FHIT: variants seen among roughly 807,000 people sequenced by gnomAD.
The protein encoded by FHIT is fragile histidine triad diadenosine triphosphatase, also known as bis(5'-adenosyl)-triphosphatase.
In FHIT, 19 loss-of-function variants were observed where a neutral mutation model predicts 17.9. The ratio of observed to expected loss-of-function variants is 1.06; its 90% confidence interval spans 0.74 to 1.56. FHIT has a LOEUF of 1.56. FHIT is among the 40% of genes most tolerant of loss of function. FHIT has a pLI of 0.00. For missense variants in FHIT, 248 were observed against 189.2 expected (o/e 1.31, Z -1.82); for synonymous variants, 81 against 69.7 (o/e 1.16, Z -0.81).
intron 5 of FHIT, among the ~76,000 whole-genome samples, chr3:60,512,493 T>C (rs1324786298): frequency 6.6e-6 from 1 of 152,222 alleles, no homozygotes; most frequent in Non-Finnish European, 1.5e-5. Flanking sequence ...AGTTCTCCTT[T>C]ACAATAAATT....
At chr3:60,891,157 T>C (rs1705499511) in intron 3 of FHIT, among the ~76,000 whole-genome samples, 2 of 152,220 alleles carry the variant, frequency 1.3e-5, no homozygotes, top group Admixed American at 6.5e-5. Context: ...ACTGGCTGCA[T>C]TTCCTGGCTT....
intron 8 of FHIT, among the ~76,000 whole-genome samples, chr3:59,786,100 G>A (rs1229756831): frequency 6.6e-6 from 1 of 152,176 alleles, no homozygotes; most frequent in East Asian, 1.9e-4. Context: ...TGGGGGTAAG[G>A]AGGGAAACTT....
chr3:59,966,832 C>T (rs1707949140), intron 7 of FHIT, among the ~76,000 whole-genome samples: 1 of 152,046 alleles, frequency 6.6e-6, no homozygotes, highest in East Asian at 1.9e-4. Flanking sequence ...ACACTGTATA[C>T]TTAGGCTATA....
chr3:59,947,002 G>T (rs1706841986), intron 7 of FHIT, among the ~76,000 whole-genome samples: 1 of 152,088 alleles, frequency 6.6e-6, no homozygotes, highest in Admixed American at 6.6e-5. Flanking sequence ...GCCAGATTTT[G>T]GTATCAGAAA....
chr3:60,340,365 C>A (rs1018846271), intron 5 of FHIT, among the ~76,000 whole-genome samples: 5 of 152,104 alleles, frequency 3.3e-5, no homozygotes, highest in African/African-American at 9.7e-5. Context: ...CTCCTACAAC[C>A]GAATTAGAAG....
chr3:60,127,979 C>T lies in FHIT; in HGVS notation c.104-113827G>A, dbSNP rs141186603. 7.2e-5 allele frequency among the ~76,000 whole-genome samples: 11 copies of T among 152,122 alleles called. No individual in the cohort carries two copies. The East Asian group carries it at 1.7e-3, about 24-fold the overall frequency. ...AGTAAGTTACACAAAGTCAGCAAAA[C>T]CTTTGACTTTAATATTCAAGTAATA... On this transcript the variant is annotated intron_variant, in intron 5 of 9. Transcript: ENST00000492590.
Position 59,956,820 on chromosome 3 carries a change from A to G in FHIT, c.280-34406T>C, listed in dbSNP as rs567706818. On this transcript the variant is annotated intron_variant, in intron 7 of 9. Coordinates refer to ENST00000492590, the MANE Select transcript of FHIT (RefSeq NM_002012.4). Reference sequence around the variant, plus strand: ...CTGAAACTACTACCTGGCAGAAGAAAAACACTCAGTAAACATTATTGTCAA... The same window carrying G: ...CTGAAACTACTACCTGGCAGAAGAAGAACACTCAGTAAACATTATTGTCAA... Among the ~76,000 whole-genome samples the G allele has an allele frequency of 4.5e-3, 685 of 152,356 alleles. 6 individuals are homozygous for G. Among genetic ancestry groups the G allele is most frequent in the African/African-American group, 0.015 (633 of 41,578 alleles).
chr3:60,134,209 G>A (rs1436310425), intron 5 of FHIT, among the ~76,000 whole-genome samples: 1 of 152,130 alleles, frequency 6.6e-6, no homozygotes, highest in African/African-American at 2.4e-5. Flanking sequence ...GTTGGGCCAA[G>A]GTGGAGATAG....
chr3:60,874,219 G>A (rs72889113), intron 3 of FHIT, among the ~76,000 whole-genome samples: 1,574 of 152,142 alleles, frequency 0.01, 30 homozygotes, highest in African/African-American at 0.035. Context: ...TAAAATAAAG[G>A]CTAGTATTTA....
rs188861245 is a variant in FHIT, at chr3:60,447,249, C to T, written c.103+89611G>A. Among the ~76,000 whole-genome samples the T allele has an allele frequency of 1.1e-3, 168 of 152,156 alleles. 1 individual carries two copies. Among genetic ancestry groups the T allele is most frequent in the Middle Eastern group, 6.8e-3 (2 of 294 alleles). On this transcript the variant is annotated intron_variant, in intron 5 of 9. Coordinates refer to ENST00000492590, the MANE Select transcript of FHIT (RefSeq NM_002012.4). ...GGCTTTTCTATTGTTTTCAAAGAAA[C>T]ATCAGTTTGTCACAAGCCACTCTAA... is the stretch of plus-strand genomic sequence containing the variant.
intron 4 of FHIT, among the ~76,000 whole-genome samples, chr3:60,757,623 A>T (rs1553718647): frequency 6.6e-6 from 1 of 152,162 alleles, no homozygotes. Context: ...CAGCCCCTTG[A>T]GTTGGTGCAG....
chr3:60,992,481 C>T (rs1344943326), intron 3 of FHIT, among the ~76,000 whole-genome samples: 1 of 152,192 alleles, frequency 6.6e-6, no homozygotes, highest in Non-Finnish European at 1.5e-5. Flanking sequence ...TTCAGGAAAA[C>T]GATGACCTCA....
At chr3:60,529,901 A>G (rs959673644) in intron 5 of FHIT, among the ~76,000 whole-genome samples, 9 of 152,164 alleles carry the variant, frequency 5.9e-5, no homozygotes, top group Non-Finnish European at 1.2e-4. Context: ...ATACATACAC[A>G]TTAACAGAAT....
At chr3:60,700,373 T>G (rs1431673047) in intron 4 of FHIT, among the ~76,000 whole-genome samples, 1 of 152,206 alleles carries the variant, frequency 6.6e-6, no homozygotes, top group Non-Finnish European at 1.5e-5. Context: ...ATCGTTCCAA[T>G]TAGTCAAATG....
intron 1 of FHIT, among the ~76,000 whole-genome samples, chr3:61,205,049 C>G (rs999010819): frequency 2.7e-5 from 4 of 148,548 alleles, no homozygotes; most frequent in Admixed American, 1.4e-4. Context: ...TCAATTCCCA[C>G]CTATGAGTGA....
intron 5 of FHIT, among the ~76,000 whole-genome samples, chr3:60,423,997 A>T (rs1193764440): frequency 6.6e-6 from 1 of 152,174 alleles, no homozygotes; most frequent in Non-Finnish European, 1.5e-5. Flanking sequence ...CCTAGATTAT[A>T]ATTGTACTAC....
intron 5 of FHIT, among the ~76,000 whole-genome samples, chr3:60,190,041 T>A (rs984909494): frequency 6.6e-6 from 1 of 152,204 alleles, no homozygotes; most frequent in Non-Finnish European, 1.5e-5. Context: ...TTGAAACATG[T>A]TTCTTTTAAG....
At chr3:60,225,811 T>C (rs189689443) in intron 5 of FHIT, among the ~76,000 whole-genome samples, 2 of 152,206 alleles carry the variant, frequency 1.3e-5, no homozygotes, top group East Asian at 1.9e-4. Flanking sequence ...GACAGCTTAT[T>C]TGGGGCTGAG....
intron 1 of FHIT, among the ~76,000 whole-genome samples, chr3:61,235,980 G>C (rs1441881772): frequency 6.6e-6 from 1 of 151,700 alleles, no homozygotes; most frequent in Non-Finnish European, 1.5e-5. Flanking sequence ...ATATGTACCA[G>C]AAAGTGCCCT....
Sources: allele counts gnomAD v4.1 joint callset (sites outside exome capture counted in the v4.1 genomes callset), GRCh38; gene constraint gnomAD v4.1.1; transcripts MANE v1.5; gene names NCBI Gene and HGNC (gene_info 2026-07-23, HGNC 2026-07-21).